PGR: variants seen among roughly 807,000 people sequenced by gnomAD.
PGR encodes the protein nuclear receptor subfamily 3 group C member 3.
Under a neutral mutation model 76.1 loss-of-function variants are expected in PGR, and 25 were observed. That is an observed-to-expected ratio of 0.33 (90% CI 0.24 to 0.46). PGR has a LOEUF of 0.46. Among genes scored for constraint, PGR ranks in the 20% least tolerant of loss-of-function variants. The pLI is 1.00. For synonymous variants in PGR, 579 were observed against 535.0 expected, an observed-to-expected ratio of 1.08 and a Z score of -1.14; for missense variants, 1,172 against 1,225.3, an observed-to-expected ratio of 0.96 and a Z score of 0.65.
intron 2 of PGR, among the ~76,000 whole-genome samples, chr11:101,123,026 T>C (rs1244316198): frequency 6.6e-6 from 1 of 152,190 alleles, no homozygotes; most frequent in African/African-American, 2.4e-5. Flanking sequence ...CTGCATTTCC[T>C]ATTATGAGAA....
rs533975961 is a variant in PGR at position 101,036,884 on chromosome 11, A to T, written c.*2232T>A. On this transcript the variant is annotated 3_prime_UTR_variant, in exon 8 of 8. Coordinates refer to ENST00000325455, the MANE Select transcript of PGR (RefSeq NM_000926.4). ...TATTGGTTTAATTCAAAGTAACAAG[A>T]ATCAGATAATAAAATGATCACAACA... The T allele has an allele frequency of 5.1e-6, 1 of 195,192 alleles. No homozygotes were observed. The highest frequency in any genetic ancestry group is 1.9e-4 in the South Asian group (1 of 5,170). The allele number at this position is 195,192 out of a possible 1,614,324, so 12.1% of individuals were successfully genotyped here.
rs504372 is a variant in PGR at position 101,046,879 on chromosome 11, G to T, written c.2488+3050C>A. Among the ~76,000 whole-genome samples, 278 of 151,638 alleles carry T rather than the reference G, an allele frequency of 1.8e-3. 1 individual carries two copies. Among genetic ancestry groups the T allele is most frequent in the Middle Eastern group, 6.9e-3 (2 of 288 alleles). On this transcript the variant is annotated intron_variant, in intron 6 of 7. Coordinates refer to ENST00000325455, the MANE Select transcript of PGR (RefSeq NM_000926.4). ...AAGTTCAGTATATCTCTTCTCCCAT[G>T]CTGTATTAATTAACAGCAGCTTTCT...
chr11:101,074,228 CAT>C (rs1301965893), intron 3 of PGR, among the ~76,000 whole-genome samples: 1 of 152,118 alleles, frequency 6.6e-6, no homozygotes, highest in East Asian at 1.9e-4. Context: ...ACAAAAACCA[CAT>C]GATTATCTCA....
intron 5 of PGR, 85 bp downstream of exon 5, chr11:101,051,339 A>G (rs910780525): frequency 2.6e-5 from 23 of 898,856 alleles, no homozygotes; most frequent in Middle Eastern, 3.4e-4. Flanking sequence ...AACACTAAAT[A>G]TGTGATCATC....
intron 7 of PGR, among the ~76,000 whole-genome samples, chr11:101,039,631 TTC>T (rs966985179): frequency 3.3e-5 from 5 of 152,138 alleles, no homozygotes; most frequent in African/African-American, 1.2e-4. Context: ...GTTTCATAAA[TTC>T]TATTTGCTAA....
At chr11:101,122,148 G>A (rs1349746617) in intron 2 of PGR, among the ~76,000 whole-genome samples, 4 of 59,686 alleles carry the variant, frequency 6.7e-5, no homozygotes, top group African/African-American at 1.0e-4. Flanking sequence ...GCGAGACTCC[G>A]TCTCAAAAAA....
chr11:101,100,483 G>A (rs780841439), intron 2 of PGR, among the ~76,000 whole-genome samples: 1 of 152,098 alleles, frequency 6.6e-6, no homozygotes, highest in African/African-American at 2.4e-5. Context: ...AGTGGAATGA[G>A]ATTGTTCTTC....
chr11:101,031,721 A>G lies in PGR; in HGVS notation c.*7395T>C. The stretch of plus-strand genomic sequence containing the variant: ...TTTTGTTTTTAATGTAGGCTTTTAA[A>G]TGGGCTTTGATGGAACTTGGTTCCA... On this transcript the variant is annotated 3_prime_UTR_variant, in exon 8 of 8. Coordinates refer to ENST00000325455, the MANE Select transcript of PGR (RefSeq NM_000926.4). 1 of 226,216 alleles carries G rather than the reference A, an allele frequency of 4.4e-6. No individual in the cohort carries two copies. The highest frequency in any genetic ancestry group is 8.8e-6 in the Non-Finnish European group (1 of 113,734). The allele number at this position is 226,216 out of a possible 1,614,324, so 14.0% of individuals were successfully genotyped here. A position where few individuals can be genotyped will look rare whatever the true frequency, so the allele number is the denominator to read the frequency against.
chr11:101,041,844 T>C, intron 7 of PGR, 101 bp downstream of exon 7: 1 of 1,031,368 alleles, frequency 9.7e-7, no homozygotes, highest in Non-Finnish European at 1.5e-6. Context: ...CAAGTATTAA[T>C]CTGAGAAAAT....
At chr11:101,073,259 A>C (rs924577056) in intron 3 of PGR, among the ~76,000 whole-genome samples, 1 of 152,224 alleles carries the variant, frequency 6.6e-6, no homozygotes, top group Non-Finnish European at 1.5e-5. Context: ...AGAAATAAAT[A>C]AGTTATTTGA....
In PGR at chr11:101,127,676, C is replaced by A. The variant is rs769863443; in HGVS notation, c.1395G>T (p.Ala465=). 6 of 1,552,836 alleles carry A rather than the reference C, an allele frequency of 3.9e-6. No homozygotes were observed. In the Admixed American group the frequency reaches 1.1e-4, roughly 29 times the overall value. The part of the protein sequence containing the change: ...GSTLECILYK[A]EGAPPQQGPF... ...GGCCCTGCTGGGGCGGCGCGCCCTC[C>A]GCTTTGTACAGGATGCACTCCAGGG... Residue 465 remains alanine, a synonymous_variant, in exon 1 of 8, where the codon GCG becomes GCT. Coordinates refer to ENST00000325455, the MANE Select transcript of PGR (RefSeq NM_000926.4).
At chr11:101,053,098 G>C (rs1860155933) in intron 4 of PGR, among the ~76,000 whole-genome samples, 1 of 152,140 alleles carries the variant, frequency 6.6e-6, no homozygotes, top group African/African-American at 2.4e-5. Flanking sequence ...AAGGTATGGA[G>C]ACAATGTTTT....
chr11:101,117,613 A>G (rs1176150231), intron 2 of PGR, among the ~76,000 whole-genome samples: 1 of 152,072 alleles, frequency 6.6e-6, no homozygotes, highest in Non-Finnish European at 1.5e-5. Context: ...CTTTTCTTCA[A>G]ATAAAAAAAA....
At chr11:101,079,213 T>C (rs1352731167) in intron 3 of PGR, among the ~76,000 whole-genome samples, 1 of 152,130 alleles carries the variant, frequency 6.6e-6, no homozygotes, top group African/African-American at 2.4e-5. Context: ...TTTAAGACTT[T>C]TGGGTAAATA....
In PGR at chr11:101,045,157, A is replaced by G. The variant is rs1274106485; in HGVS notation, c.2489-3055T>C. Among the ~76,000 whole-genome samples, 3 of 152,202 alleles carry G rather than the reference A, an allele frequency of 2.0e-5. 1 individual carries two copies. The highest frequency in any genetic ancestry group is 6.5e-5 in the Admixed American group (1 of 15,274). On this transcript the variant is annotated intron_variant, in intron 6 of 7. Coordinates refer to ENST00000325455, the MANE Select transcript of PGR (RefSeq NM_000926.4). ...AGAGATACAAACTTATGAAAAACAA[A>G]TAAGTTAATTCTTTGGTTTTGAGTT...
At chr11:101,085,713 GA>G (rs1449456652) in intron 3 of PGR, among the ~76,000 whole-genome samples, 1 of 151,408 alleles carries the variant, frequency 6.6e-6, no homozygotes. Flanking sequence ...CATTAACAAA[GA>G]AAAAAAGAGA....
At chr11:101,070,056 C>T (rs1860867529) in intron 3 of PGR, among the ~76,000 whole-genome samples, 2 of 147,202 alleles carry the variant, frequency 1.4e-5, no homozygotes, top group Admixed American at 1.4e-4. Flanking sequence ...AGGAATAGCT[C>T]CGGTCTGTAG....
chr11:101,077,071 T>C (rs1298892094), intron 3 of PGR, among the ~76,000 whole-genome samples: 2 of 152,004 alleles, frequency 1.3e-5, no homozygotes, highest in Non-Finnish European at 1.5e-5. Context: ...TCAGAAGTTT[T>C]AATTTGCTTT....
chr11:101,064,551 T>C lies in PGR; in HGVS notation c.1907-1799A>G, dbSNP rs75263042. On this transcript the variant is annotated intron_variant, in intron 3 of 7. Transcript: ENST00000325455. ...TGGAGTATATAGCATATGCCAGGAA[T>C]TGTGTGTGTGTGTGTTTGTGTCTAA... Among the ~76,000 whole-genome samples the C allele has an allele frequency of 2.2e-3, 326 of 151,236 alleles. 8 individuals are homozygous for C. The East Asian group carries it at 0.047, about 22-fold the overall frequency.
Sources: allele counts gnomAD v4.1 joint callset (sites outside exome capture counted in the v4.1 genomes callset), GRCh38; gene constraint gnomAD v4.1.1; transcripts MANE v1.5; gene names NCBI Gene and HGNC (gene_info 2026-07-23, HGNC 2026-07-21).